Variants in STK17A observed in about 807,000 individuals in gnomAD.
The protein encoded by STK17A is serine/threonine kinase 17a, also known as serine/threonine-protein kinase 17A.
STK17A carries 26 observed loss-of-function variants against 43.7 expected under a neutral mutation model. The observed-to-expected ratio is 0.60, with a 90% confidence interval of 0.44 to 0.83. STK17A has a LOEUF of 0.83. Ranked by LOEUF, STK17A falls within the 40% of genes least tolerant of loss-of-function variation. The pLI is 0.00. For synonymous variants in STK17A, 191 were observed against 182.5 expected, an observed-to-expected ratio of 1.05 and a Z score of -0.38; for missense variants, 476 against 511.6, an observed-to-expected ratio of 0.93 and a Z score of 0.67.
chr7:43,610,220 G>T (rs1583575547), intron 3 of STK17A, among the ~76,000 whole-genome samples: 2 of 152,174 alleles, frequency 1.3e-5, no homozygotes, highest in Non-Finnish European at 2.9e-5. Flanking sequence ...GGTGGTGGGT[G>T]CCTGTAGTCC....
At chr7:43,611,704 C>A (rs568090898) in intron 3 of STK17A, among the ~76,000 whole-genome samples, 1 of 152,098 alleles carries the variant, frequency 6.6e-6, no homozygotes, top group Non-Finnish European at 1.5e-5. Context: ...AGAGGAATTC[C>A]CAAAATAAAT....
rs1343934361 is a variant in STK17A, at chr7:43,619,670, T to A, written c.638T>A (p.Ile213Lys). 2 of 1,614,112 alleles carry A rather than the reference T, an allele frequency of 1.2e-6. No individual in the cohort carries two copies. The highest frequency in any genetic ancestry group is 2.2e-5 in the South Asian group (2 of 91,074). Residue 213 changes from isoleucine to lysine, a missense_variant, in exon 4 of 7, where the codon ATA (isoleucine) becomes AAA (lysine). By Grantham distance (102) the Ile-to-Lys change is moderately radical (BLOSUM62 -3). Transcript: ENST00000319357. ...ATTGTTGATTTTGGCCTTTCAAGAA[T>A]ATTGAAGAACAGTGAAGAGCTCCGA... ...IKIVDFGLSRILKNSEELREI... is the reference protein window; with the variant it reads ...IKIVDFGLSRKLKNSEELREI...
intron 1 of STK17A, among the ~76,000 whole-genome samples, chr7:43,583,689 G>A (rs1008373858): frequency 4.6e-5 from 7 of 152,322 alleles, no homozygotes; most frequent in African/African-American, 1.7e-4. Context: ...GGCGGTCCCG[G>A]AGGCGCGGAC....
chr7:43,592,256 A>G (rs1190517587), intron 1 of STK17A, among the ~76,000 whole-genome samples: 1 of 151,624 alleles, frequency 6.6e-6, no homozygotes, highest in Non-Finnish European at 1.5e-5. Flanking sequence ...AATGAAAGGT[A>G]TTAATTACTC....
At chr7:43,588,245 C>G in intron 1 of STK17A, among the ~76,000 whole-genome samples, 1 of 151,400 alleles carries the variant, frequency 6.6e-6, no homozygotes, top group Non-Finnish European at 1.5e-5. Flanking sequence ...TGATCATTTG[C>G]TGAATGCTAC....
At chr7:43,602,748 A>G (rs1583554004) in intron 2 of STK17A, among the ~76,000 whole-genome samples, 1 of 152,140 alleles carries the variant, frequency 6.6e-6, no homozygotes, top group African/African-American at 2.4e-5. Context: ...ATAACAATCT[A>G]TTTTTGTGGC....
intron 3 of STK17A, among the ~76,000 whole-genome samples, chr7:43,610,764 A>G (rs926650391): frequency 2.0e-5 from 3 of 152,110 alleles, no homozygotes; most frequent in Non-Finnish European, 4.4e-5. Flanking sequence ...ATATATGTAT[A>G]TATTTAATAC....
chr7:43,607,902 A>T (rs1042312111), intron 2 of STK17A, among the ~76,000 whole-genome samples: 10 of 152,214 alleles, frequency 6.6e-5, no homozygotes, highest in African/African-American at 2.4e-4. Context: ...TAAACTGTAC[A>T]TTACATCGTG....
chr7:43,610,793 A>G (rs575904921), intron 3 of STK17A, among the ~76,000 whole-genome samples: 1 of 152,122 alleles, frequency 6.6e-6, no homozygotes, highest in East Asian at 1.9e-4. Flanking sequence ...TAACTGCTTA[A>G]TTTTTATTGC....
chr7:43,601,608 G>A (rs865907108), intron 2 of STK17A, among the ~76,000 whole-genome samples: 2 of 151,248 alleles, frequency 1.3e-5, no homozygotes, highest in African/African-American at 2.4e-5. Flanking sequence ...GTCTTCACCC[G>A]GCTTCTGACT....
At chr7:43,608,994 A>C (rs1488753986) in intron 3 of STK17A, 1 of 152,368 alleles carries the variant, frequency 6.6e-6, no homozygotes, top group Non-Finnish European at 1.5e-5. Flanking sequence ...GAAGGAAAGA[A>C]AAACAAAGGA....
chr7:43,589,922 T>C (rs1327622381), intron 1 of STK17A, among the ~76,000 whole-genome samples: 1 of 139,394 alleles, frequency 7.2e-6, no homozygotes, highest in Non-Finnish European at 1.6e-5. Flanking sequence ...TTTAATTTTA[T>C]TTAATTTTAA....
intron 3 of STK17A, among the ~76,000 whole-genome samples, chr7:43,618,890 G>A (rs2083590336): frequency 1.3e-5 from 2 of 152,128 alleles, no homozygotes; most frequent in Admixed American, 6.5e-5. Flanking sequence ...GGAAGTAGAT[G>A]AAATCGCTCC....
Position 43,624,608 on chromosome 7 carries a change from A to G in STK17A, c.1011A>G (p.Leu337=). The G allele has an allele frequency of 2.5e-6, 4 of 1,614,138 alleles. No homozygotes were observed. The highest frequency in any genetic ancestry group is 3.4e-6 in the Non-Finnish European group (4 of 1,180,000). The change falls in exon 7 of 7, where the codon CTA becomes CTG. Residue 337 remains leucine, a synonymous_variant. Coordinates refer to ENST00000319357, the MANE Select transcript of STK17A (RefSeq NM_004760.3). ...QEPSFRMEKA[L]EEANALQEGH... is the part of the protein sequence containing the mutation. ...CTTCTTTCAGGATGGAAAAGGCACT[A>G]GAAGAAGCAAATGCCCTCCAAGAAG...
intron 1 of STK17A, among the ~76,000 whole-genome samples, chr7:43,584,323 C>G (rs2152970010): frequency 6.6e-6 from 1 of 152,286 alleles, no homozygotes; most frequent in Admixed American, 6.5e-5. Context: ...CATATTCGTG[C>G]CCTTCTTGCT....
In STK17A at chr7:43,623,791, A is replaced by G; in HGVS notation, c.823A>G (p.Ile275Val). Residue 275 changes from isoleucine to valine, a missense_variant, in exon 6 of 7, where the codon ATC becomes GTC. Transcript: ENST00000319357. ...TGATAAACAAGAAACATTCTTAAAC[A>G]TCTCACAGATGAATTTAAGTTATTC... The part of the protein sequence containing the change: ...GNDKQETFLN[I>V]SQMNLSYSEE... 1.2e-6 allele frequency: 2 copies of G among 1,608,404 alleles called. No homozygotes were observed. Among genetic ancestry groups the G allele is most frequent in the East Asian group, 4.5e-5 (2 of 44,608 alleles).
intron 1 of STK17A, among the ~76,000 whole-genome samples, chr7:43,587,014 T>G (rs2082444754): frequency 6.6e-6 from 1 of 151,438 alleles, no homozygotes; most frequent in Non-Finnish European, 1.5e-5. Flanking sequence ...TTGTGAGAGA[T>G]AACAGAGCTG....
At chr7:43,595,594 G>GA (rs1353552941) in intron 1 of STK17A, among the ~76,000 whole-genome samples, 5 of 151,994 alleles carry the variant, frequency 3.3e-5, no homozygotes, top group Non-Finnish European at 5.9e-5. Flanking sequence ...CTTTTTTAGA[G>GA]ACCTAAATCA....
chr7:43,604,485 C>G (rs1283826872), intron 2 of STK17A, among the ~76,000 whole-genome samples: 2 of 152,074 alleles, frequency 1.3e-5, no homozygotes, highest in African/African-American at 4.8e-5. Flanking sequence ...CCTTTTCTAC[C>G]TCACCCTACA....
Sources: allele counts gnomAD v4.1 joint callset (sites outside exome capture counted in the v4.1 genomes callset), GRCh38; gene constraint gnomAD v4.1.1; transcripts MANE v1.5; gene names NCBI Gene and HGNC (gene_info 2026-07-23, HGNC 2026-07-21).